Variants in PARD3 observed in about 807,000 individuals in gnomAD.
PARD3 encodes partitioning defective 3 homolog.
A neutral mutation model predicts 155.4 loss-of-function variants in PARD3; 75 were observed. That is an observed-to-expected ratio of 0.48 (90% CI 0.40 to 0.58). The LOEUF (loss-of-function observed/expected upper bound fraction) is 0.58. Among genes scored for constraint, PARD3 ranks in the 20% least tolerant of loss-of-function variants. PARD3 has a pLI of 0.00. For synonymous variants in PARD3, 576 were observed against 610.5 expected (o/e 0.94, Z 0.83); for missense variants, 1,642 against 1,721.7 (o/e 0.95, Z 0.82).
intron 2 of PARD3, among the ~76,000 whole-genome samples, chr10:34,651,011 C>CAAAAAAAAAAAAAAAAAAAAAAAA (rs60113552): frequency 4.5e-5 from 2 of 44,544 alleles, no homozygotes; most frequent in East Asian, 1.1e-3. Flanking sequence ...AACTCTGTCT[C>CAAAAAAAAAAAAAAAAAAAAAAAA]AAAAAAAAAA....
At chr10:34,563,532 ATTTT>A (rs3041201) in intron 2 of PARD3, among the ~76,000 whole-genome samples, 1 of 144,306 alleles carries the variant, frequency 6.9e-6, no homozygotes, top group African/African-American at 2.6e-5. Context: ...ACGCCTGCTA[ATTTT>A]TTTTTTTTTT....
At chr10:34,397,881 T>C (rs1261862593) in intron 7 of PARD3, among the ~76,000 whole-genome samples, 1 of 152,170 alleles carries the variant, frequency 6.6e-6, no homozygotes, top group Non-Finnish European at 1.5e-5. Flanking sequence ...ATCTTTTTTT[T>C]CCTACTCCGG....
chr10:34,594,538 G>T (rs554121345), intron 2 of PARD3, among the ~76,000 whole-genome samples: 1 of 151,606 alleles, frequency 6.6e-6, no homozygotes, highest in Non-Finnish European at 1.5e-5. Context: ...TGGAGTAAGT[G>T]ATGCCAGGAA....
intron 23 of PARD3, among the ~76,000 whole-genome samples, chr10:34,126,818 G>GA (rs550942430): frequency 0.021 from 1,533 of 73,162 alleles, 7 homozygotes; most frequent in Non-Finnish European, 0.027. Flanking sequence ...TCTTGAAAAT[G>GA]AAAAAAAAAA....
rs530621578 is a variant in PARD3, at chr10:34,613,301, T to C, written c.222+83017A>G. 3.8e-4 allele frequency among the ~76,000 whole-genome samples: 58 copies of C among 152,338 alleles called. 1 individual carries two copies. Among genetic ancestry groups the C allele is most frequent in the African/African-American group, 1.3e-3 (54 of 41,570 alleles). ...CACACACTGACCACCTGCTTTCTTT[T>C]TGATTCAGCTTTTAGTATCACCTTT... On this transcript the variant is annotated intron_variant, in intron 2 of 24. Transcript: ENST00000374788.
At chr10:34,783,329 G>A (rs1393648117) in intron 1 of PARD3, among the ~76,000 whole-genome samples, 3 of 152,050 alleles carry the variant, frequency 2.0e-5, no homozygotes, top group Non-Finnish European at 4.4e-5. Flanking sequence ...CCTCGGCCAG[G>A]CACAGTGGCT....
intron 2 of PARD3, among the ~76,000 whole-genome samples, chr10:34,550,541 T>C (rs554220823): frequency 6.6e-6 from 1 of 152,240 alleles, no homozygotes; most frequent in Admixed American, 6.5e-5. Flanking sequence ...TATTGGAACC[T>C]TTACCACCTA....
At chr10:34,197,801 C>G (rs1241904594) in intron 22 of PARD3, among the ~76,000 whole-genome samples, 2 of 152,234 alleles carry the variant, frequency 1.3e-5, no homozygotes, top group African/African-American at 4.8e-5. Context: ...GCGATCGCAG[C>G]TCACTGCAAC....
chr10:34,435,190 A>C (rs2076128056), intron 5 of PARD3, among the ~76,000 whole-genome samples: 1 of 152,192 alleles, frequency 6.6e-6, no homozygotes. Context: ...ATTACAAATA[A>C]CAGGAAAAAA....
intron 7 of PARD3, among the ~76,000 whole-genome samples, chr10:34,385,236 C>T (rs1454944161): frequency 6.6e-6 from 1 of 152,100 alleles, no homozygotes; most frequent in Non-Finnish European, 1.5e-5. Context: ...TGGGTTCAAG[C>T]GATTCTCCTG....
intron 7 of PARD3, among the ~76,000 whole-genome samples, chr10:34,384,978 T>C (rs1261586084): frequency 1.3e-5 from 2 of 152,136 alleles, no homozygotes; most frequent in African/African-American, 4.8e-5. Flanking sequence ...TGAATGACCT[T>C]TGAGAGACCC....
At chr10:34,145,221 A>T (rs3955306) in intron 22 of PARD3, among the ~76,000 whole-genome samples, 3,686 of 33,850 alleles carry the variant, frequency 0.11, 454 homozygotes, top group Non-Finnish European at 0.14. Flanking sequence ...ATATATATAT[A>T]TTTTTTTTTT....
At chr10:34,395,687 A>G (rs1843254396) in intron 7 of PARD3, among the ~76,000 whole-genome samples, 1 of 76,256 alleles carries the variant, frequency 1.3e-5, no homozygotes, top group East Asian at 3.0e-4. Flanking sequence ...AATACAAAAA[A>G]TTAGCCGGGC....
chr10:34,291,496 A>T (rs1460870348), intron 20 of PARD3, among the ~76,000 whole-genome samples: 1 of 152,230 alleles, frequency 6.6e-6, no homozygotes. Context: ...TTGAATTCTT[A>T]TTATGTGCTT....
intron 5 of PARD3, among the ~76,000 whole-genome samples, chr10:34,433,743 G>C (rs951281437): frequency 3.3e-5 from 5 of 152,042 alleles, no homozygotes; most frequent in Admixed American, 2.0e-4. Context: ...TTATCAAAAT[G>C]GTTGCTGTAA....
chr10:34,131,052 C>T (rs1947584375), intron 23 of PARD3, among the ~76,000 whole-genome samples: 1 of 152,084 alleles, frequency 6.6e-6, no homozygotes, highest in Admixed American at 6.5e-5. Flanking sequence ...AAAGCGAGAC[C>T]TCATCTCTTT....
At chr10:34,492,511 C>T (rs952736601) in intron 3 of PARD3, among the ~76,000 whole-genome samples, 3 of 152,138 alleles carry the variant, frequency 2.0e-5, no homozygotes, top group Non-Finnish European at 2.9e-5. Flanking sequence ...AGAAAGATTG[C>T]TTACAAAATA....
chr10:34,536,951 G>A (rs1182901655), intron 2 of PARD3, among the ~76,000 whole-genome samples: 7 of 152,206 alleles, frequency 4.6e-5, no homozygotes, highest in Non-Finnish European at 1.0e-4. Flanking sequence ...GGGCTTCAGT[G>A]ATAAACTTAA....
intron 2 of PARD3, among the ~76,000 whole-genome samples, chr10:34,518,524 G>A (rs576046326): frequency 6.6e-6 from 1 of 152,232 alleles, no homozygotes; most frequent in East Asian, 1.9e-4. Flanking sequence ...AACCTGAAGG[G>A]GCTCCCAATG....
Sources: allele counts gnomAD v4.1 joint callset (sites outside exome capture counted in the v4.1 genomes callset), GRCh38; gene constraint gnomAD v4.1.1; transcripts MANE v1.5; gene names NCBI Gene and HGNC (gene_info 2026-07-23, HGNC 2026-07-21).